Variants in ATP6V0A4 observed in about 807,000 individuals in gnomAD.
The protein encoded by ATP6V0A4 is ATPase H+ transporting V0 subunit a4, also known as V-type proton ATPase 116 kDa subunit a 4.
A neutral mutation model predicts 107.3 loss-of-function variants in ATP6V0A4; 86 were observed. The observed-to-expected ratio is 0.80, with a 90% CI of 0.67 to 0.96. The LOEUF (loss-of-function observed/expected upper bound fraction) is 0.96, where lower values mean the gene tolerates loss of function less well. Among genes scored for constraint, ATP6V0A4 ranks in the 40% least tolerant of loss-of-function variants. The pLI is 0.00. For missense variants in ATP6V0A4, 908 were observed against 1,045.6 expected, an observed-to-expected ratio of 0.87 and a Z score of 1.81; for synonymous variants, 353 against 381.4, an observed-to-expected ratio of 0.93 and a Z score of 0.87.
At chr7:138,777,950 A>C (rs1481394362) in intron 2 of ATP6V0A4, among the ~76,000 whole-genome samples, 1 of 152,182 alleles carries the variant, frequency 6.6e-6, no homozygotes, top group African/African-American at 2.4e-5. Flanking sequence ...ACATGACACC[A>C]CAAGTGGAAA....
intron 2 of ATP6V0A4, among the ~76,000 whole-genome samples, chr7:138,771,708 C>T (rs1304228615): frequency 6.6e-6 from 1 of 152,182 alleles, no homozygotes; most frequent in Non-Finnish European, 1.5e-5. Context: ...CAGCCTCAAC[C>T]TCCTGGGCTC....
intron 18 of ATP6V0A4, among the ~76,000 whole-genome samples, chr7:138,724,908 G>T (rs186131523): frequency 8.5e-4 from 130 of 152,260 alleles, no homozygotes; most frequent in Admixed American, 2.6e-3. Flanking sequence ...ATCGCACAAT[G>T]CTTAAGCTGG....
intron 21 of ATP6V0A4, among the ~76,000 whole-genome samples, chr7:138,707,363 TTA>T (rs1180068051): frequency 1.6e-3 from 159 of 100,088 alleles, no homozygotes; most frequent in Non-Finnish European, 1.8e-3. Context: ...ATATATTATA[TTA>T]TATATATATT....
chr7:138,706,505 T>C lies in ATP6V0A4; in HGVS notation c.*119A>G. 2 of 1,213,316 alleles carry C rather than the reference T, an allele frequency of 1.6e-6. No homozygotes were observed. Among genetic ancestry groups the C allele is most frequent in the Non-Finnish European group, 2.4e-6 (2 of 846,756 alleles). 75.2% of individuals were successfully genotyped at this position (1,213,316 alleles called of 1,614,324 possible). ...GACGTCCAAATAATACACAGTTTCA[T>C]GCTTCAGGTGAGCCAAGAACAACCT... On this transcript the variant is annotated 3_prime_UTR_variant, in exon 22 of 22. Transcript: ENST00000310018.
intron 9 of ATP6V0A4, 44 bp from the exon 10 acceptor site, chr7:138,755,826 C>T: frequency 6.2e-7 from 1 of 1,603,690 alleles, no homozygotes; most frequent in Non-Finnish European, 8.5e-7. Context: ...GTTCTTGCTG[C>T]AAAGCATTCT....
chr7:138,739,498 T>C (rs776609634), intron 15 of ATP6V0A4, 42 bp downstream of exon 15: 2 of 1,608,498 alleles, frequency 1.2e-6, no homozygotes, highest in South Asian at 1.1e-5. Flanking sequence ...CTCCTCAAGA[T>C]AGTTCACATA....
intron 15 of ATP6V0A4, among the ~76,000 whole-genome samples, chr7:138,737,573 C>A (rs1000636959): frequency 1.7e-5 from 2 of 118,832 alleles, no homozygotes; most frequent in African/African-American, 6.5e-5. Context: ...TCCCGCTTTT[C>A]TTTTTCTTTT....
chr7:138,735,887 C>T (rs566344522), intron 15 of ATP6V0A4, among the ~76,000 whole-genome samples: 15 of 27,318 alleles, frequency 5.5e-4, no homozygotes, highest in East Asian at 0.026. Flanking sequence ...AGTGAGACCC[C>T]GTCTCTACAA....
intron 19 of ATP6V0A4, among the ~76,000 whole-genome samples, chr7:138,720,561 G>A (rs1471066933): frequency 6.6e-6 from 1 of 152,162 alleles, no homozygotes; most frequent in Non-Finnish European, 1.5e-5. Context: ...AGCCACTACT[G>A]TGGATCACTC....
intron 10 of ATP6V0A4, among the ~76,000 whole-genome samples, chr7:138,755,050 C>T (rs1806438834): frequency 6.6e-6 from 1 of 152,232 alleles, no homozygotes. Flanking sequence ...GCACAGGACA[C>T]ATGAACCTTC....
chr7:138,714,795 C>T (rs959683521), intron 20 of ATP6V0A4, among the ~76,000 whole-genome samples: 5 of 152,116 alleles, frequency 3.3e-5, no homozygotes, highest in Admixed American at 6.6e-5. Flanking sequence ...AAAATATGTT[C>T]CCCCATCCCC....
At chr7:138,723,574 G>T (rs1804550927) in intron 18 of ATP6V0A4, among the ~76,000 whole-genome samples, 1 of 141,518 alleles carries the variant, frequency 7.1e-6, no homozygotes, top group Non-Finnish European at 1.5e-5. Context: ...CGCCCAGGCT[G>T]GAGTGAAGTG....
At chr7:138,785,239 A>G (rs1808123875) in intron 2 of ATP6V0A4, among the ~76,000 whole-genome samples, 1 of 151,108 alleles carries the variant, frequency 6.6e-6, no homozygotes, top group African/African-American at 2.4e-5. Flanking sequence ...AACTGATTTT[A>G]TCATCCACTC....
intron 14 of ATP6V0A4, among the ~76,000 whole-genome samples, chr7:138,740,354 GC>G (rs1805564098): frequency 6.6e-6 from 1 of 151,382 alleles, no homozygotes; most frequent in South Asian, 2.1e-4. Context: ...AAAACATGTA[GC>G]CCATTGTATG....
At chr7:138,788,006 G>A (rs148730314) in intron 1 of ATP6V0A4, among the ~76,000 whole-genome samples, 14 of 151,700 alleles carry the variant, frequency 9.2e-5, no homozygotes, top group Non-Finnish European at 1.8e-4. Context: ...TCTTAAAAAC[G>A]GAAAAAGAAA....
chr7:138,715,945 G>A lies in ATP6V0A4; in HGVS notation c.2140-64C>T. The A allele has an allele frequency of 2.5e-6, 4 of 1,590,952 alleles. No individual in the cohort carries two copies. The South Asian group carries it at 3.3e-5, about 13-fold the overall frequency. ...TTTCTACACAAAAGTTATTCCAAATGATGCAAAGATGAATAAGACATGGGC... is the reference window on the plus strand; with the variant it reads ...TTTCTACACAAAAGTTATTCCAAATAATGCAAAGATGAATAAGACATGGGC... On this transcript the variant is annotated intron_variant, in intron 19 of 21. Transcript: ENST00000310018.
At chr7:138,763,174 CA>C in intron 5 of ATP6V0A4, 149 bp from the exon 6 acceptor site, 1 of 863,412 alleles carries the variant, frequency 1.2e-6, no homozygotes, top group African/African-American at 1.7e-5. Context: ...CAGACACACA[CA>C]GACACACACA....
At position 138,736,175 on chromosome 7, in the gene ATP6V0A4, C is replaced by T. The variant is rs532904551; in HGVS notation, c.1573-1921G>A. On this transcript the variant is annotated intron_variant, in intron 15 of 21. Transcript: ENST00000310018. Reference sequence around the variant, plus strand: ...GCAGGGAGATTGAGGCCCAGGAGGTCGAGGCTGCATTGAGCCATGATCATG... The same window carrying T: ...GCAGGGAGATTGAGGCCCAGGAGGTTGAGGCTGCATTGAGCCATGATCATG... 4.6e-5 allele frequency among the ~76,000 whole-genome samples: 7 copies of T among 152,074 alleles called. No individual in the cohort carries two copies. The East Asian group carries it at 7.7e-4, about 17-fold the overall frequency.
At position 138,732,898 on chromosome 7, in the gene ATP6V0A4, G is replaced by A. The variant is rs771998055; in HGVS notation, c.1887C>T (p.Asn629=). The stretch of plus-strand genomic sequence containing the variant: ...ATACCTGATGTTTGTAGAGGGGTGC[G>A]TTGGAAGAGTCACTGTAGTTAAACA... The part of the protein sequence containing the change: ...MFLFNYSDSS[N]APLYKHQQEV... Residue 629 remains asparagine, a synonymous_variant, in exon 17 of 22, where the codon AAC becomes AAT. Transcript: ENST00000310018. The A allele has an allele frequency of 3.8e-5, 61 of 1,612,686 alleles. 2 individuals are homozygous for A. In the South Asian group the frequency reaches 4.5e-4, roughly 12 times the overall value.
Sources: gnomAD v4.1 joint callset for allele counts (sites outside exome capture counted in the v4.1 genomes callset) on GRCh38, gnomAD v4.1.1 for gene constraint, MANE v1.5 for transcripts, NCBI Gene and HGNC (gene_info 2026-07-23, HGNC 2026-07-21) for gene names.